Variants in RFFL observed in about 807,000 individuals in gnomAD.
RFFL encodes the protein ring finger and FYVE like domain containing E3 ubiquitin protein ligase.
RFFL carries 16 observed loss-of-function variants against 40.4 expected under a neutral mutation model. The observed-to-expected ratio is 0.40, with a 90% CI of 0.27 to 0.60. The LOEUF is 0.60. RFFL is among the 20% of genes least tolerant of loss of function. RFFL has a pLI of 0.47. For missense variants in RFFL, 367 were observed against 451.7 expected, an observed-to-expected ratio of 0.81 and a Z score of 1.70; for synonymous variants, 154 against 167.9, an observed-to-expected ratio of 0.92 and a Z score of 0.64.
At chr17:35,022,732 G>A (rs2091017123) in intron 2 of RFFL, among the ~76,000 whole-genome samples, 1 of 152,176 alleles carries the variant, frequency 6.6e-6, no homozygotes, top group African/African-American at 2.4e-5. Flanking sequence ...CATCGACACA[G>A]GCTCCCCACT....
chr17:35,079,057 A>G (rs931831905), intron 1 of RFFL, among the ~76,000 whole-genome samples: 4 of 152,086 alleles, frequency 2.6e-5, no homozygotes, highest in Non-Finnish European at 5.9e-5. Flanking sequence ...AACTAGTGGC[A>G]TCAAAAACTG....
At position 35,040,617 on chromosome 17, in the gene RFFL, T is replaced by TA. The variant is rs1211951541; in HGVS notation, c.-8-14057dup. On this transcript the variant is annotated intron_variant, in intron 1 of 6. Coordinates refer to ENST00000394597, the MANE Select transcript of RFFL (RefSeq NM_001017368.2). ...GACTCTCTCTCAAAAAAAAAAAAAG[T>TA]AAAAAAAAAATAAAAAATACTTTTC... Among the ~76,000 whole-genome samples, 81 of 145,054 alleles carry TA rather than the reference T, an allele frequency of 5.6e-4. 1 individual carries two copies. The highest frequency in any genetic ancestry group is 9.3e-4 in the Non-Finnish European group (61 of 65,284).
At chr17:35,072,901 G>A (rs1358359848) in intron 1 of RFFL, among the ~76,000 whole-genome samples, 2 of 152,066 alleles carry the variant, frequency 1.3e-5, no homozygotes, top group Admixed American at 6.6e-5. Context: ...AAATTAGCCA[G>A]GCATGGTAGC....
At chr17:35,056,632 C>A (rs1036170452) in intron 1 of RFFL, among the ~76,000 whole-genome samples, 3 of 152,114 alleles carry the variant, frequency 2.0e-5, no homozygotes, top group Non-Finnish European at 4.4e-5. Flanking sequence ...CCACTTCAGC[C>A]TCCCAAAGTG....
intron 1 of RFFL, among the ~76,000 whole-genome samples, chr17:35,057,861 C>A (rs984105965): frequency 2.0e-5 from 3 of 151,858 alleles, no homozygotes; most frequent in African/African-American, 7.3e-5. Context: ...ATTCAATCAA[C>A]CACTTATTCA....
At chr17:35,068,693 G>T (rs141457332), upstream of RFFL, among the ~76,000 whole-genome samples, 1 of 152,302 alleles carries the variant, frequency 6.6e-6, no homozygotes, top group African/African-American at 2.4e-5. Flanking sequence ...CAGGCACAAT[G>T]AAATACTAGG....
chr17:35,084,001 G>A (rs1379811884), intron 1 of RFFL, among the ~76,000 whole-genome samples: 2 of 152,180 alleles, frequency 1.3e-5, no homozygotes, highest in African/African-American at 4.8e-5. Context: ...CACTTTGGGA[G>A]GTCGAGGCAG....
intron 1 of RFFL, among the ~76,000 whole-genome samples, chr17:35,070,987 AGG>A (rs778447609): frequency 1.6e-4 from 25 of 152,294 alleles, no homozygotes; most frequent in Non-Finnish European, 1.9e-4. Flanking sequence ...GCTTGAGGCC[AGG>A]AGTTCGAGAC....
At chr17:35,013,517 A>G (rs899955106) in intron 6 of RFFL, among the ~76,000 whole-genome samples, 2 of 152,242 alleles carry the variant, frequency 1.3e-5, no homozygotes, top group African/African-American at 4.8e-5. Flanking sequence ...GGGGTTGGCC[A>G]ACCCATAGAG....
chr17:35,036,560 T>TA, intron 1 of RFFL: 2 of 152,340 alleles, frequency 1.3e-5, no homozygotes, highest in Admixed American at 1.3e-4. Flanking sequence ...CAGTAGTGAA[T>TA]AAAAACATTT....
Position 35,006,918 on chromosome 17 carries a change from A to T in RFFL, c.*5050T>A, listed in dbSNP as rs1469783141. ...CACGGGGGAGGGGTTTACTTTCCTG[A>T]CTCTAGCCCAGGACATTTGGTGTTT... is the stretch of plus-strand genomic sequence containing the variant. On this transcript the variant is annotated 3_prime_UTR_variant, in exon 7 of 7. Coordinates refer to ENST00000394597, the MANE Select transcript of RFFL (RefSeq NM_001017368.2). The T allele has an allele frequency of 6.6e-6, 1 of 151,170 alleles. No homozygotes were observed. Among genetic ancestry groups the T allele is most frequent in the Admixed American group, 6.6e-5 (1 of 15,168 alleles). The allele number at this position is 151,170 out of a possible 1,614,324, so 9.4% of individuals were successfully genotyped here.
At chr17:35,031,861 C>T (rs1319182233) in intron 1 of RFFL, among the ~76,000 whole-genome samples, 1 of 151,838 alleles carries the variant, frequency 6.6e-6, no homozygotes, top group African/African-American at 2.4e-5. Context: ...TTTGGCAGGC[C>T]GAGGCAGGAG....
At chr17:35,083,653 T>C (rs919584310) in intron 1 of RFFL, among the ~76,000 whole-genome samples, 26 of 151,632 alleles carry the variant, frequency 1.7e-4, no homozygotes, top group African/African-American at 6.3e-4. Flanking sequence ...TGGTGGCGCA[T>C]GTCTGTAGTC....
At chr17:35,046,860 A>C (rs1436292639) in intron 1 of RFFL, among the ~76,000 whole-genome samples, 1 of 152,238 alleles carries the variant, frequency 6.6e-6, no homozygotes, top group Non-Finnish European at 1.5e-5. Flanking sequence ...GAGATGACAG[A>C]TTGAACACCG....
At chr17:35,033,859 T>C (rs1199183375) in intron 1 of RFFL, among the ~76,000 whole-genome samples, 1 of 151,222 alleles carries the variant, frequency 6.6e-6, no homozygotes, top group Non-Finnish European at 1.5e-5. Flanking sequence ...ATAATAATAA[T>C]AGGCCAGGCA....
chr17:35,057,918 T>A (rs975620965), intron 1 of RFFL, among the ~76,000 whole-genome samples: 5 of 151,944 alleles, frequency 3.3e-5, no homozygotes, highest in South Asian at 2.1e-4. Flanking sequence ...GACACTATGT[T>A]AGATACTCGA....
At chr17:35,048,267 C>T (rs1193043632) in intron 1 of RFFL, among the ~76,000 whole-genome samples, 7 of 151,720 alleles carry the variant, frequency 4.6e-5, no homozygotes, top group South Asian at 2.1e-4. Flanking sequence ...CCGGGAGTGG[C>T]GGTGTGCACC....
At chr17:35,040,565 T>C (rs2142344776) in intron 1 of RFFL, among the ~76,000 whole-genome samples, 1 of 149,318 alleles carries the variant, frequency 6.7e-6, no homozygotes, top group South Asian at 2.1e-4. Context: ...ATCATGCCAC[T>C]GCACTCCAAC....
At chr17:35,081,635 A>G (rs1046290200) in intron 1 of RFFL, among the ~76,000 whole-genome samples, 1 of 152,204 alleles carries the variant, frequency 6.6e-6, no homozygotes, top group African/African-American at 2.4e-5. Context: ...ATAAAGAGAG[A>G]GAGACTATTA....
Sources: gnomAD v4.1 joint callset for allele counts (sites outside exome capture counted in the v4.1 genomes callset) on GRCh38, gnomAD v4.1.1 for gene constraint, MANE v1.5 for transcripts, NCBI Gene and HGNC (gene_info 2026-07-23, HGNC 2026-07-21) for gene names.